OR51B5: variants seen among roughly 807,000 people sequenced by gnomAD.
OR51B5 encodes the protein olfactory receptor 51B5.
For synonymous variants in OR51B5, 186 were observed against 144.8 expected, an observed-to-expected ratio of 1.28 and a Z score of -2.04; for missense variants, 456 against 374.6, an observed-to-expected ratio of 1.22 and a Z score of -1.79.
chr11:5,343,809 T>C (rs1485858423), upstream of OR51B5, among the ~76,000 whole-genome samples: 1 of 152,236 alleles, frequency 6.6e-6, no homozygotes, highest in South Asian at 2.1e-4. Flanking sequence ...AAAAAAATTA[T>C]GTAAACTACA....
chr11:5,369,221 T>C (rs574532812), intron 1 of OR51B5, among the ~76,000 whole-genome samples: 16 of 126,600 alleles, frequency 1.3e-4, no homozygotes, highest in Admixed American at 7.8e-5. Context: ...ACTGATTTTC[T>C]AGTACTGTAC....
Position 5,427,362 on chromosome 11 carries a change from A to G in OR51B5, n.84+78207T>C, listed in dbSNP as rs373823805. ...GTGTGCTGAAATTGAACAGTTAGGT[A>G]AGTGAAGTGAATGACAGATGGCGTG... On this transcript the variant is annotated intron_variant and non_coding_transcript_variant, in intron 1 of 4. Transcript: ENST00000415970. 1.6e-3 allele frequency among the ~76,000 whole-genome samples: 165 copies of G among 106,310 alleles called. 1 individual carries two copies. Among genetic ancestry groups the G allele is most frequent in the African/African-American group, 5.9e-3 (160 of 26,896 alleles). 69.7% of individuals were successfully genotyped at this position (106,310 alleles called of 152,430 possible). A position where few individuals can be genotyped will look rare whatever the true frequency, so the allele number is the denominator to read the frequency against.
At chr11:5,367,403 A>G (rs1392104863) in intron 1 of OR51B5, among the ~76,000 whole-genome samples, 1 of 152,168 alleles carries the variant, frequency 6.6e-6, no homozygotes, top group African/African-American at 2.4e-5. Flanking sequence ...GCCCATTTTT[A>G]TGGTTATTTA....
intron 1 of OR51B5, among the ~76,000 whole-genome samples, chr11:5,481,641 G>C (rs1851422092): frequency 6.9e-6 from 1 of 145,220 alleles, no homozygotes; most frequent in South Asian, 2.3e-4. Context: ...TCCTTAAGCT[G>C]ATAAGCAACT....
intron 1 of OR51B5, among the ~76,000 whole-genome samples, chr11:5,413,380 TCTC>T (rs1188693057): frequency 6.6e-6 from 1 of 152,002 alleles, no homozygotes; most frequent in Non-Finnish European, 1.5e-5. Context: ...GCAGAGCACC[TCTC>T]CTCCTCCAAA....
intron 1 of OR51B5, among the ~76,000 whole-genome samples, chr11:5,462,086 G>A (rs538376267): frequency 6.6e-6 from 1 of 152,256 alleles, no homozygotes; most frequent in African/African-American, 2.4e-5. Flanking sequence ...ACTGAACATA[G>A]GTTTAAGGTG....
chr11:5,372,542 C>G (rs1849462956), intron 1 of OR51B5, among the ~76,000 whole-genome samples: 1 of 152,134 alleles, frequency 6.6e-6, no homozygotes, highest in Non-Finnish European at 1.5e-5. Flanking sequence ...CATATGCCTG[C>G]TGACCATTTG....
At chr11:5,341,339 T>G (rs1355604554), downstream of OR51B5, 1 of 152,174 alleles carries the variant, frequency 6.6e-6, no homozygotes. Context: ...ATAAGACATT[T>G]CCTGCTGAGT....
chr11:5,377,240 G>T (rs916638647), intron 1 of OR51B5, among the ~76,000 whole-genome samples: 1 of 152,014 alleles, frequency 6.6e-6, no homozygotes, highest in Non-Finnish European at 1.5e-5. Context: ...TGCAGAAAAG[G>T]CCTTTGACAA....
chr11:5,371,815 G>C (rs1480233873), intron 1 of OR51B5, among the ~76,000 whole-genome samples: 2 of 152,006 alleles, frequency 1.3e-5, no homozygotes, highest in Non-Finnish European at 2.9e-5. Context: ...TTACAGTACA[G>C]TATTAAGTCT....
At chr11:5,448,287 CAG>C (rs1268907267) in intron 1 of OR51B5, among the ~76,000 whole-genome samples, 10 of 152,210 alleles carry the variant, frequency 6.6e-5, no homozygotes, top group Middle Eastern at 3.4e-3. Flanking sequence ...GTGAAGCCAA[CAG>C]AGTCACTTAA....
chr11:5,431,922 G>A (rs1850540015), intron 1 of OR51B5, among the ~76,000 whole-genome samples: 1 of 152,134 alleles, frequency 6.6e-6, no homozygotes, highest in Non-Finnish European at 1.5e-5. Context: ...ACATATTTAT[G>A]GGATACAAGT....
intron 1 of OR51B5, among the ~76,000 whole-genome samples, chr11:5,357,009 C>A (rs1389441472): frequency 3.9e-5 from 6 of 151,960 alleles, no homozygotes; most frequent in Non-Finnish European, 5.9e-5. Flanking sequence ...CCGGTACCAG[C>A]CACTGCAAAA....
intron 1 of OR51B5, among the ~76,000 whole-genome samples, chr11:5,501,223 G>A (rs1485149835): frequency 1.4e-5 from 2 of 147,588 alleles, no homozygotes; most frequent in Non-Finnish European, 3.0e-5. Flanking sequence ...GGGAGAAAAT[G>A]ACTTCTGGGT....
At chr11:5,440,656 G>C (rs180738396) in intron 1 of OR51B5, 2 of 1,613,868 alleles carry the variant, frequency 1.2e-6, no homozygotes, top group South Asian at 2.2e-5. Context: ...TTGAGCATGG[G>C]TGGTACAAAC....
At chr11:5,353,073 G>T (rs4243958) in intron 1 of OR51B5, among the ~76,000 whole-genome samples, 21,844 of 151,704 alleles carry the variant, frequency 0.14, 2,068 homozygotes, top group Non-Finnish European at 0.21. Context: ...CATATATGGA[G>T]CTGGCTGCTG....
At chr11:5,500,353 A>G (rs1020790585) in intron 1 of OR51B5, among the ~76,000 whole-genome samples, 7 of 152,172 alleles carry the variant, frequency 4.6e-5, no homozygotes, top group Non-Finnish European at 8.8e-5. Flanking sequence ...TGAGAATCTG[A>G]TTTTCAGTTA....
At chr11:5,398,639 T>A (rs1318704777) in intron 1 of OR51B5, among the ~76,000 whole-genome samples, 1 of 152,166 alleles carries the variant, frequency 6.6e-6, no homozygotes, top group African/African-American at 2.4e-5. Context: ...AATCCCTATA[T>A]GTCGGGGGAG....
At chr11:5,425,253 G>C (rs1441904061) in intron 1 of OR51B5, among the ~76,000 whole-genome samples, 4 of 152,154 alleles carry the variant, frequency 2.6e-5, no homozygotes, top group Non-Finnish European at 4.4e-5. Flanking sequence ...CAATGTACAG[G>C]CTTGTTAATG....
Sources: allele counts gnomAD v4.1 joint callset (sites outside exome capture counted in the v4.1 genomes callset), GRCh38; gene constraint gnomAD v4.1.1; transcripts MANE v1.5; gene names NCBI Gene and HGNC (gene_info 2026-07-23, HGNC 2026-07-21).